The following MGRN1 variants were observed in gnomAD, a reference collection of about 807,000 sequenced individuals.
The protein encoded by MGRN1 is mahogunin ring finger 1.
Under a neutral mutation model 69.2 loss-of-function variants are expected in MGRN1, and 29 were observed. The observed-to-expected ratio is 0.42, with a 90% CI of 0.31 to 0.57. MGRN1 has a LOEUF of 0.57. Ranked by LOEUF, MGRN1 falls within the 20% of genes least tolerant of loss-of-function variation. The pLI, the probability that MGRN1 is intolerant of heterozygous loss-of-function variation, is 0.15. For missense variants in MGRN1, 998 were observed against 796.2 expected (o/e 1.25, Z -3.05); for synonymous variants, 470 against 344.2 (o/e 1.37, Z -4.04).
chr16:4,652,764 C>T lies in MGRN1; in HGVS notation c.383C>T (p.Ala128Val). The change falls in exon 4 of 17, where the codon GCC becomes GTC. Residue 128 changes from alanine to valine, a missense_variant. Coordinates refer to ENST00000262370, the MANE Select transcript of MGRN1 (RefSeq NM_015246.4). ...YSLEFTFDADARVAITIYCQA... is the reference protein window; with the variant it reads ...YSLEFTFDADVRVAITIYCQA... ...CTGGAGTTCACCTTCGACGCCGATGCCCGCGTGGCCATCACCATCTACTGC... is the reference window on the plus strand; with the variant it reads ...CTGGAGTTCACCTTCGACGCCGATGTCCGCGTGGCCATCACCATCTACTGC... The T allele has an allele frequency of 1.2e-6, 2 of 1,612,124 alleles. No individual in the cohort carries two copies. The highest frequency in any genetic ancestry group is 1.1e-5 in the South Asian group (1 of 90,678).
At chr16:4,659,999 C>T (rs2078639530) in intron 5 of MGRN1, among the ~76,000 whole-genome samples, 2 of 152,200 alleles carry the variant, frequency 1.3e-5, no homozygotes, top group African/African-American at 4.8e-5. Context: ...TCCCGTCCTG[C>T]AGCCAGGCCG....
intron 1 of MGRN1, chr16:4,633,747 T>A (rs1898131991): frequency 6.6e-6 from 1 of 151,924 alleles, no homozygotes; most frequent in South Asian, 2.1e-4. Flanking sequence ...AGACGGAGTC[T>A]CACTCTTTCT....
Position 4,671,435 on chromosome 16 carries a change from G to A in MGRN1, c.771G>A (p.Glu257=). The change falls in exon 9 of 17, where the codon GAG becomes GAA. Residue 257 remains glutamate (E), a synonymous_variant. Coordinates refer to ENST00000262370, the MANE Select transcript of MGRN1 (RefSeq NM_015246.4). ...TCCTGCAGGAGATCTATGGCATTGA[G>A]AACAAGAACAACCAGGAGACCAAGG... The part of the protein sequence containing the change: ...SYLLQEIYGI[E]NKNNQETKPS... 1 of 1,614,074 alleles carries A rather than the reference G, an allele frequency of 6.2e-7. No homozygotes were observed.
At chr16:4,665,976 C>A (rs546338598) in intron 7 of MGRN1, among the ~76,000 whole-genome samples, 2 of 152,032 alleles carry the variant, frequency 1.3e-5, no homozygotes, top group African/African-American at 2.4e-5. Context: ...ACTACAGATG[C>A]CCGCCACCAT....
At position 4,664,694 on chromosome 16, in the gene MGRN1, C is replaced by T. The variant is rs561057100; in HGVS notation, c.562-15C>T. On this transcript the variant is annotated splice_polypyrimidine_tract_variant and intron_variant, in intron 5 of 16. Coordinates refer to ENST00000262370, the MANE Select transcript of MGRN1 (RefSeq NM_015246.4). The stretch of plus-strand genomic sequence containing the variant: ...CTGTGTGGGTCCTGACCATTCTTGG[C>T]AACTCTCTCCTCAGCTGAACTTTGA... The T allele has an allele frequency of 6.2e-7, 1 of 1,614,142 alleles. No homozygotes were observed. Among genetic ancestry groups the T allele is most frequent in the East Asian group, 2.2e-5 (1 of 44,884 alleles).
chr16:4,642,589 G>T (rs2078185391), intron 1 of MGRN1, among the ~76,000 whole-genome samples: 1 of 151,896 alleles, frequency 6.6e-6, no homozygotes, highest in Non-Finnish European at 1.5e-5. Flanking sequence ...CTCCCAAAGT[G>T]CTGGGATTAC....
chr16:4,630,210 G>A (rs1897927847), intron 1 of MGRN1, among the ~76,000 whole-genome samples: 1 of 151,548 alleles, frequency 6.6e-6, no homozygotes, highest in Non-Finnish European at 1.5e-5. Context: ...AAATTAGTTG[G>A]GTGTGGCAGC....
At chr16:4,680,306 C>T in intron 12 of MGRN1, 1 of 550,614 alleles carries the variant, frequency 1.8e-6, no homozygotes, top group Non-Finnish European at 3.2e-6. Context: ...GTGCGCTGGC[C>T]CCGCCGCCCT....
rs201039993 is a variant in MGRN1, at chr16:4,652,835, C to T, written c.443+11C>T. 45 of 1,586,596 alleles carry T rather than the reference C, an allele frequency of 2.8e-5. No individual in the cohort carries two copies. Among genetic ancestry groups the T allele is most frequent in the African/African-American group, 2.6e-4 (19 of 74,438 alleles). ...GAACGGCAGGGCAGTGTGAGTCCCG[C>T]GGGCGGCTGGCACCGGCCTGGCTGG... On this transcript the variant is annotated intron_variant, in intron 4 of 16. Coordinates refer to ENST00000262370, the MANE Select transcript of MGRN1 (RefSeq NM_015246.4).
chr16:4,646,348 G>A (rs1455489785), intron 1 of MGRN1, among the ~76,000 whole-genome samples: 3 of 152,052 alleles, frequency 2.0e-5, no homozygotes, highest in Admixed American at 2.0e-4. Flanking sequence ...AGGATTGTTT[G>A]AGCTCAGGAG....
chr16:4,686,414 C>A, intron 16 of MGRN1: 1 of 1,459,050 alleles, frequency 6.9e-7, no homozygotes, highest in Non-Finnish European at 9.0e-7. Context: ...TCTTCGTCCG[C>A]ATCCGCATCT....
chr16:4,680,443 A>G (rs2079155329), intron 12 of MGRN1: 2 of 284,366 alleles, frequency 7.0e-6, no homozygotes, highest in Middle Eastern at 1.2e-3. Context: ...CGCCCCGCGC[A>G]TGCTTCTTGG....
At chr16:4,650,007 G>A (rs1347885945) in intron 1 of MGRN1, 4 of 185,090 alleles carry the variant, frequency 2.2e-5, no homozygotes, top group Non-Finnish European at 4.5e-5. Flanking sequence ...CCTCAGAGTC[G>A]ATAACTGTTT....
intron 5 of MGRN1, among the ~76,000 whole-genome samples, chr16:4,659,628 G>T (rs1228657806): frequency 6.6e-6 from 1 of 152,274 alleles, no homozygotes; most frequent in African/African-American, 2.4e-5. Flanking sequence ...GAGGGCCCGC[G>T]TGCAGCATAG....
chr16:4,633,827 C>T (rs1031887505), intron 1 of MGRN1: 8 of 151,966 alleles, frequency 5.3e-5, no homozygotes, highest in East Asian at 3.9e-4. Flanking sequence ...ACGCCATTCT[C>T]CTGCCTCAGC....
At chr16:4,662,143 T>C (rs1375709749) in intron 5 of MGRN1, among the ~76,000 whole-genome samples, 1 of 152,168 alleles carries the variant, frequency 6.6e-6, no homozygotes, top group African/African-American at 2.4e-5. Context: ...ACTCCTTTCT[T>C]CTCGTCTGTA....
intron 1 of MGRN1, among the ~76,000 whole-genome samples, chr16:4,632,402 G>C (rs955635382): frequency 1.3e-5 from 2 of 148,890 alleles, no homozygotes. Context: ...TTGTTTGTTT[G>C]TTTGTTTTTG....
Position 4,688,932 on chromosome 16 carries a change from G to A in MGRN1, c.*24G>A. 1.3e-6 allele frequency: 2 copies of A among 1,527,942 alleles called. No individual in the cohort carries two copies. The highest frequency in any genetic ancestry group is 1.2e-5 in the South Asian group (1 of 83,096). 94.6% of individuals were successfully genotyped at this position (1,527,942 alleles called of 1,614,324 possible). A position where few individuals can be genotyped will look rare whatever the true frequency, so the allele number is the denominator to read the frequency against. On this transcript the variant is annotated 3_prime_UTR_variant, in exon 17 of 17. Transcript: ENST00000262370. Reference sequence around the variant, plus strand: ...GAGAGCCTGGCCGAGCTGGCAGCATGGAGCCCTCGGCTCCCCAGACTTTGC... The same window carrying A: ...GAGAGCCTGGCCGAGCTGGCAGCATAGAGCCCTCGGCTCCCCAGACTTTGC...
Position 4,688,960 on chromosome 16 carries a change from A to AG in MGRN1, c.*56dup. On this transcript the variant is annotated 3_prime_UTR_variant, in exon 17 of 17. Transcript: ENST00000262370. ...GCCCTCGGCTCCCCAGACTTTGCCG[A>AG]GGGGCTGCTCCGGACCCCGTTGTGA... 3 of 1,501,222 alleles carry AG rather than the reference A, an allele frequency of 2.0e-6. No individual in the cohort carries two copies. Among genetic ancestry groups the AG allele is most frequent in the Non-Finnish European group, 2.7e-6 (3 of 1,117,276 alleles). 93.0% of individuals were successfully genotyped at this position (1,501,222 alleles called of 1,614,324 possible). A position where few individuals can be genotyped will look rare whatever the true frequency, so the allele number is the denominator to read the frequency against.
Sources: allele counts gnomAD v4.1 joint callset (sites outside exome capture counted in the v4.1 genomes callset), GRCh38; gene constraint gnomAD v4.1.1; transcripts MANE v1.5; gene names NCBI Gene and HGNC (gene_info 2026-07-23, HGNC 2026-07-21).